Variants in TIGD1 observed in about 807,000 individuals in gnomAD.
The protein encoded by TIGD1 is tigger transposable element-derived protein 1.
A neutral mutation model predicts 21.3 loss-of-function variants in TIGD1; 20 were observed. The observed-to-expected ratio is 0.94, with a 90% CI of 0.66 to 1.36. TIGD1 has a LOEUF of 1.36. Among genes scored for constraint, TIGD1 ranks in the 40% most tolerant of loss-of-function variants. The probability of loss-of-function intolerance (pLI) is 0.00; values close to 1 mark genes in which losing one functional copy is unlikely to be tolerated. For synonymous variants in TIGD1, 177 were observed against 123.2 expected, an observed-to-expected ratio of 1.44 and a Z score of -2.89; for missense variants, 556 against 350.5, an observed-to-expected ratio of 1.59 and a Z score of -4.68.
Position 232,550,017 on chromosome 2 carries a change from T to C in TIGD1, c.-135A>G. 1.9e-6 allele frequency: 1 copy of C among 525,772 alleles called. No homozygotes were observed. The highest frequency in any genetic ancestry group is 3.4e-6 in the Non-Finnish European group (1 of 294,078). The allele number at this position is 525,772 out of a possible 1,614,324, so 32.6% of individuals were successfully genotyped here. The stretch of plus-strand genomic sequence containing the variant: ...CACACACAACATTAAGTTCCACGTC[T>C]TATAAAAGACGCTGTATGTGGCACC... On this transcript the variant is annotated 5_prime_UTR_variant, in exon 1 of 1. Coordinates refer to ENST00000408957, the MANE Select transcript of TIGD1 (RefSeq NM_145702.4).
At position 232,548,555 on chromosome 2, in the gene TIGD1, T is replaced by TCTA. The variant is rs1355846651; in HGVS notation, c.1327_1328insTAG (p.Glu442_Asp443insVal). 14 of 630,594 alleles carry TCTA rather than the reference T, an allele frequency of 2.2e-5. No homozygotes were observed. The African/African-American group carries it at 2.3e-4, about 10-fold the overall frequency. 39.1% of individuals were successfully genotyped at this position (630,594 alleles called of 1,614,324 possible). ...ATGAGATTGCAGCAATTCAGTTACA[T>TCTA]CTTCAGGCTCTACTTCTAATTCTAG... On this transcript the variant is annotated inframe_insertion, in exon 1 of 1. Transcript: ENST00000408957.
Position 232,549,720 on chromosome 2 carries a change from C to T in TIGD1, c.163G>A (p.Glu55Lys). 1 of 969,272 alleles carries T rather than the reference C, an allele frequency of 1.0e-6. No homozygotes were observed. The highest frequency in any genetic ancestry group is 1.6e-6 in the Non-Finnish European group (1 of 615,690). The allele number at this position is 969,272 out of a possible 1,614,324, so 60.0% of individuals were successfully genotyped here. Residue 55 changes from glutamate to lysine, a missense_variant, in exon 1 of 1, where the codon GAA becomes AAA. Transcript: ENST00000408957. The stretch of plus-strand genomic sequence containing the variant: ...CTTTTAACTTCCTTCAAGAACTTTT[C>T]CTTTGCATTTACAACTTGGCTAACT... Reference protein sequence around the residue: ...QTVSQVVNAKEKFLKEVKSAT... With the variant: ...QTVSQVVNAKKKFLKEVKSAT...
At position 232,549,383 on chromosome 2, in the gene TIGD1, T is replaced by G. The variant is rs1692219788; in HGVS notation, c.500A>C (p.Glu167Ala). The G allele has an allele frequency of 1.6e-6, 1 of 637,170 alleles. No individual in the cohort carries two copies. The highest frequency in any genetic ancestry group is 2.8e-6 in the Non-Finnish European group (1 of 356,650). The allele number at this position is 637,170 out of a possible 1,614,324, so 39.5% of individuals were successfully genotyped here. A position where few individuals can be genotyped will look rare whatever the true frequency, so the allele number is the denominator to read the frequency against. Residue 167 changes from glutamate to alanine, a missense_variant, in exon 1 of 1, where the codon GAA (glutamate) becomes GCA (alanine). Coordinates refer to ENST00000408957, the MANE Select transcript of TIGD1 (RefSeq NM_145702.4). ...TTCGTCAATGATCTTAGCTAAAGCT[T>G]CTGGATAACTTGCTGCAGCTTCTAC... ...ADVEAAASYP[E>A]ALAKIIDEGG... is the part of the protein sequence containing the mutation.
In TIGD1 at chr2:232,548,720, CG is replaced by C. The variant is rs1692186253; in HGVS notation, c.1162del (p.Arg388ValfsTer12). 2.0e-6 allele frequency: 1 copy of C among 494,616 alleles called. No individual in the cohort carries two copies. Among genetic ancestry groups the C allele is most frequent in the Non-Finnish European group, 3.9e-6 (1 of 257,656 alleles). The allele number at this position is 494,616 out of a possible 1,614,324, so 30.6% of individuals were successfully genotyped here. On this transcript the variant is annotated frameshift_variant, in exon 1 of 1. Coordinates refer to ENST00000408957, the MANE Select transcript of TIGD1 (RefSeq NM_145702.4). LOFTEE classifies it high-confidence loss of function. ...FTILDAIKNI[R>X]DSWEEVKLST... ...CAATTTGACCTCCTCCCATGAATCA[CG>C]AATGTTTTTAATGGCATCTAAAATG...
chr2:232,544,462 C>A lies in TIGD1; in HGVS notation c.*3645G>T. On this transcript the variant is annotated 3_prime_UTR_variant, in exon 1 of 1. Coordinates refer to ENST00000408957, the MANE Select transcript of TIGD1 (RefSeq NM_145702.4). The stretch of plus-strand genomic sequence containing the variant: ...ACACCCAGTCCCGGCTACAGAATGG[C>A]TCCTCGGGATGGTCGATCACAACTG... The A allele has an allele frequency of 6.2e-7, 1 of 1,613,748 alleles. No individual in the cohort carries two copies. Among genetic ancestry groups the A allele is most frequent in the Non-Finnish European group, 8.5e-7 (1 of 1,179,998 alleles).
Position 232,547,311 on chromosome 2 carries a change from G to C in TIGD1, c.*796C>G, listed in dbSNP as rs374323803. 4.6e-5 allele frequency among the ~76,000 whole-genome samples: 7 copies of C among 152,238 alleles called. No homozygotes were observed. In the South Asian group the frequency reaches 1.0e-3, roughly 23 times the overall value. On this transcript the variant is annotated 3_prime_UTR_variant, in exon 1 of 1. Coordinates refer to ENST00000408957, the MANE Select transcript of TIGD1 (RefSeq NM_145702.4). ...TGCATGCCTGTAGTCCCAGTTACTC[G>C]GGAGGCTGAGGTGGGAGGATCGCTT...
Position 232,545,571 on chromosome 2 carries a change from G to A in TIGD1, c.*2536C>T, listed in dbSNP as rs143306273. Reference sequence around the variant, plus strand: ...AATGAGGAGTGGTTCCTGGTGGGCCGAGTGCTGGACCGCGTCTGCTTCCTG... The same window carrying A: ...AATGAGGAGTGGTTCCTGGTGGGCCAAGTGCTGGACCGCGTCTGCTTCCTG... On this transcript the variant is annotated 3_prime_UTR_variant, in exon 1 of 1. Coordinates refer to ENST00000408957, the MANE Select transcript of TIGD1 (RefSeq NM_145702.4). The A allele has an allele frequency of 9.5e-5, 154 of 1,613,838 alleles. No homozygotes were observed. Among genetic ancestry groups the A allele is most frequent in the Admixed American group, 1.7e-4 (10 of 60,010 alleles).
In TIGD1 at chr2:232,548,687, A is replaced by T. The variant is rs537368187; in HGVS notation, c.1196T>A (p.Leu399Ter). 114 of 482,312 alleles carry T rather than the reference A, an allele frequency of 2.4e-4. 2 individuals carry two copies. The East Asian group carries it at 5.2e-3, about 22-fold the overall frequency. 29.9% of individuals were successfully genotyped at this position (482,312 alleles called of 1,614,324 possible). Residue 399 changes from leucine (L) to a stop codon, truncating the protein, a stop_gained, in exon 1 of 1, where the codon TTA becomes TAA. Coordinates refer to ENST00000408957, the MANE Select transcript of TIGD1 (RefSeq NM_145702.4). LOFTEE classifies it high-confidence loss of function. ...DSWEEVKLST[L>*]TGVWKKLIPT... ...AATCAACTTCTTCCAAACTCCTGTT[A>T]ATGTTGACAATTTGACCTCCTCCCA... is the stretch of plus-strand genomic sequence containing the variant.
Position 232,545,531 on chromosome 2 carries a change from T to C in TIGD1, c.*2576A>G, listed in dbSNP as rs1390972646. 3 of 1,612,792 alleles carry C rather than the reference T, an allele frequency of 1.9e-6. No individual in the cohort carries two copies. Among genetic ancestry groups the C allele is most frequent in the Non-Finnish European group, 2.5e-6 (3 of 1,179,714 alleles). On this transcript the variant is annotated 3_prime_UTR_variant, in exon 1 of 1. Transcript: ENST00000408957. ...CGCCGCTGGTTATCCCACACCTGCC[T>C]CCCACCCTCAGGGGAATGAGGAGTG...
chr2:232,544,992 G>T lies in TIGD1; in HGVS notation c.*3115C>A. 1 of 1,551,558 alleles carries T rather than the reference G, an allele frequency of 6.4e-7. No homozygotes were observed. The highest frequency in any genetic ancestry group is 8.8e-7 in the Non-Finnish European group (1 of 1,132,482). ...AGGATGAGTGGGGTTGCCAAGATAGGGCAGTGGGATGGAAAAACATGAGGC... is the reference window on the plus strand; with the variant it reads ...AGGATGAGTGGGGTTGCCAAGATAGTGCAGTGGGATGGAAAAACATGAGGC... On this transcript the variant is annotated 3_prime_UTR_variant, in exon 1 of 1. Coordinates refer to ENST00000408957, the MANE Select transcript of TIGD1 (RefSeq NM_145702.4).
In TIGD1 at chr2:232,547,694, G is replaced by C. The variant is rs1158472584; in HGVS notation, c.*413C>G. On this transcript the variant is annotated 3_prime_UTR_variant, in exon 1 of 1. Coordinates refer to ENST00000408957, the MANE Select transcript of TIGD1 (RefSeq NM_145702.4). ...AGAGTGGGGGAGAACTTCAATCAGG[G>C]AGGGAATCTGATGACAGTGGGGCCA... 6.6e-6 allele frequency among the ~76,000 whole-genome samples: 1 copy of C among 152,172 alleles called. No homozygotes were observed. The highest frequency in any genetic ancestry group is 6.5e-5 in the Admixed American group (1 of 15,278).
chr2:232,544,250 G>C lies in TIGD1; in HGVS notation c.*3857C>G. The C allele has an allele frequency of 1.2e-6, 1 of 833,228 alleles. No homozygotes were observed. The highest frequency in any genetic ancestry group is 2.1e-6 in the Non-Finnish European group (1 of 482,568). 51.6% of individuals were successfully genotyped at this position (833,228 alleles called of 1,614,324 possible). A position where few individuals can be genotyped will look rare whatever the true frequency, so the allele number is the denominator to read the frequency against. ...GTATAGAAAGCTTTACCAAGGCCAC[G>C]TCACTGCCCCGGTATGCTGCCTCCA... On this transcript the variant is annotated 3_prime_UTR_variant, in exon 1 of 1. Coordinates refer to ENST00000408957, the MANE Select transcript of TIGD1 (RefSeq NM_145702.4).
Position 232,545,993 on chromosome 2 carries a change from T to G in TIGD1, c.*2114A>C. On this transcript the variant is annotated 3_prime_UTR_variant, in exon 1 of 1. Transcript: ENST00000408957. ...CCAGCCACCCCTCCACTCAGTGCAC[T>G]CCCCTCACTTAGGCAAAGCATTATT... 5.4e-6 allele frequency: 3 copies of G among 556,460 alleles called. No homozygotes were observed. The highest frequency in any genetic ancestry group is 3.2e-5 in the East Asian group (1 of 31,030). The allele number at this position is 556,460 out of a possible 1,614,324, so 34.5% of individuals were successfully genotyped here.
In TIGD1 at chr2:232,548,970, G is replaced by C. The variant is rs1477722191; in HGVS notation, c.913C>G (p.Pro305Ala). The change falls in exon 1 of 1, where the codon CCT becomes GCT. Residue 305 changes from proline (P) to alanine (A), a missense_variant. Pro to Ala is a conservative substitution (Grantham distance 27). Transcript: ENST00000408957. ...TCCATCAGAGCTCTTGGATGACTAG[G>C]GGCATTGTCAATGAGCAGTAATATT... The part of the protein sequence containing the change: ...FKILLLIDNA[P>A]SHPRALMEIY... 5 of 691,226 alleles carry C rather than the reference G, an allele frequency of 7.2e-6. No individual in the cohort carries two copies. 42.8% of individuals were successfully genotyped at this position (691,226 alleles called of 1,614,324 possible).
Position 232,545,463 on chromosome 2 carries a change from G to A in TIGD1, c.*2644C>T. 1 of 1,306,142 alleles carries A rather than the reference G, an allele frequency of 7.7e-7. No homozygotes were observed. The highest frequency in any genetic ancestry group is 1.9e-5 in the Admixed American group (1 of 52,228). The allele number at this position is 1,306,142 out of a possible 1,614,324, so 80.9% of individuals were successfully genotyped here. A position where few individuals can be genotyped will look rare whatever the true frequency, so the allele number is the denominator to read the frequency against. On this transcript the variant is annotated 3_prime_UTR_variant, in exon 1 of 1. Transcript: ENST00000408957. ...CAGGAAATGGAGACATGGGCCTGCT[G>A]GAAGCCCAAGGATGAGAACAGGACC...
At position 232,547,977 on chromosome 2, in the gene TIGD1, G is replaced by C; in HGVS notation, c.*130C>G. 2.3e-6 allele frequency: 1 copy of C among 442,866 alleles called. No homozygotes were observed. The allele number at this position is 442,866 out of a possible 1,614,324, so 27.4% of individuals were successfully genotyped here. A position where few individuals can be genotyped will look rare whatever the true frequency, so the allele number is the denominator to read the frequency against. Reference sequence around the variant, plus strand: ...GAAAGCAAGTCACATGAATGTTTTTGGTTTCCCAATGCATATAAAAGTTAT... The same window carrying C: ...GAAAGCAAGTCACATGAATGTTTTTCGTTTCCCAATGCATATAAAAGTTAT... On this transcript the variant is annotated 3_prime_UTR_variant, in exon 1 of 1. Coordinates refer to ENST00000408957, the MANE Select transcript of TIGD1 (RefSeq NM_145702.4).
rs1286284240 is a variant in TIGD1 at position 232,544,818 on chromosome 2, G to T, written c.*3289C>A. 6.2e-7 allele frequency: 1 copy of T among 1,613,420 alleles called. No individual in the cohort carries two copies. Among genetic ancestry groups the T allele is most frequent in the South Asian group, 1.1e-5 (1 of 91,070 alleles). ...TGAGCCAGTTCTGTGGCAGCCTGAA[G>T]CAGGCTGCCCCAGCCATCCAGGCCT... On this transcript the variant is annotated 3_prime_UTR_variant, in exon 1 of 1. Transcript: ENST00000408957.
At position 232,546,886 on chromosome 2, in the gene TIGD1, G is replaced by A. The variant is rs1199345653; in HGVS notation, c.*1221C>T. On this transcript the variant is annotated 3_prime_UTR_variant, in exon 1 of 1. Transcript: ENST00000408957. ...AGAGCTAGGCAAGAGGAGGTGTGGA[G>A]TTAACAGAGAGCCACTGAGCTCTTC... Among the ~76,000 whole-genome samples the A allele has an allele frequency of 6.6e-6, 1 of 152,142 alleles. No homozygotes were observed. Among genetic ancestry groups the A allele is most frequent in the Non-Finnish European group, 1.5e-5 (1 of 68,028 alleles).
Position 232,548,980 on chromosome 2 carries a change from A to G in TIGD1, c.903T>C (p.Ile301=). ...KKIPFKILLL[I]DNAPSHPRAL... ...CTCTTGGATGACTAGGGGCATTGTC[A>G]ATGAGCAGTAATATTTTGAAAGGAA... The change falls in exon 1 of 1, where the codon ATT becomes ATC. Residue 301 remains isoleucine (I), a synonymous_variant. Coordinates refer to ENST00000408957, the MANE Select transcript of TIGD1 (RefSeq NM_145702.4). 1.4e-6 allele frequency: 1 copy of G among 694,810 alleles called. No homozygotes were observed. Among genetic ancestry groups the G allele is most frequent in the Non-Finnish European group, 2.6e-6 (1 of 378,528 alleles). The allele number at this position is 694,810 out of a possible 1,614,324, so 43.0% of individuals were successfully genotyped here.
Sources: gnomAD v4.1 joint callset for allele counts (sites outside exome capture counted in the v4.1 genomes callset) on GRCh38, gnomAD v4.1.1 for gene constraint, MANE v1.5 for transcripts, NCBI Gene and HGNC (gene_info 2026-07-23, HGNC 2026-07-21) for gene names.